Variants in MRPS9 observed in about 807,000 individuals in gnomAD.
The protein encoded by MRPS9 is mitochondrial ribosomal protein S9.
In MRPS9, 45 loss-of-function variants were observed where a neutral mutation model predicts 59.9. That is an observed-to-expected ratio of 0.75 (90% CI 0.59 to 0.96). MRPS9 has a LOEUF of 0.96. MRPS9 is among the 40% of genes least tolerant of loss of function. MRPS9 has a pLI of 0.00. For missense variants in MRPS9, 473 were observed against 481.1 expected (o/e 0.98, Z 0.16); for synonymous variants, 171 against 166.8 (o/e 1.03, Z -0.19).
At chr2:105,065,263 T>A (rs929131676) in intron 2 of MRPS9, among the ~76,000 whole-genome samples, 1 of 152,232 alleles carries the variant, frequency 6.6e-6, no homozygotes, top group Non-Finnish European at 1.5e-5. Context: ...GAATCTGTTA[T>A]CTGAGAGAAG....
At chr2:105,076,219 A>G (rs922794067) in intron 4 of MRPS9, among the ~76,000 whole-genome samples, 2 of 152,262 alleles carry the variant, frequency 1.3e-5, no homozygotes, top group Non-Finnish European at 2.9e-5. Flanking sequence ...ATACCCTCTT[A>G]TAAAAGCATG....
At position 105,038,206 on chromosome 2, in the gene MRPS9, G is replaced by A; in HGVS notation, c.114G>A (p.Leu38=). The part of the protein sequence containing the change: ...QGLWKTAAPE[L]QTNVRSQILR... ...TCTGGAAAACCGCGGCCCCTGAGTTGCAAACAAATGTCAGATCCCAGGTAA... is the reference window on the plus strand; with the variant it reads ...TCTGGAAAACCGCGGCCCCTGAGTTACAAACAAATGTCAGATCCCAGGTAA... Residue 38 remains leucine, a synonymous_variant, in exon 1 of 11, where the codon TTG becomes TTA. Transcript: ENST00000258455. The A allele has an allele frequency of 6.2e-7, 1 of 1,612,454 alleles. No homozygotes were observed. The highest frequency in any genetic ancestry group is 1.3e-5 in the African/African-American group (1 of 75,030).
chr2:105,088,735 C>T (rs185895112), intron 5 of MRPS9, among the ~76,000 whole-genome samples: 1 of 152,050 alleles, frequency 6.6e-6, no homozygotes, highest in East Asian at 1.9e-4. Flanking sequence ...ATTTTAAAAT[C>T]AGCTAAAGTT....
At chr2:105,060,435 C>G (rs553648039) in intron 2 of MRPS9, among the ~76,000 whole-genome samples, 2 of 152,144 alleles carry the variant, frequency 1.3e-5, no homozygotes, top group South Asian at 2.1e-4. Flanking sequence ...GTGGCGCCAC[C>G]GCGCCTGACT....
Position 105,089,060 on chromosome 2 carries a change from CTG to C in MRPS9, c.568_569del (p.Val190AsnfsTer12). The C allele has an allele frequency of 1.2e-6, 2 of 1,609,448 alleles. No homozygotes were observed. The highest frequency in any genetic ancestry group is 1.3e-5 in the African/African-American group (1 of 74,904). On this transcript the variant is annotated frameshift_variant, in exon 6 of 11. Transcript: ENST00000258455. LOFTEE classifies it high-confidence loss of function. ...GCCAAAAGTCTGCTCCCAGAAAAAA[CTG>C]TAACCAGGTAAGCTCTTTTCTTGCA...
intron 4 of MRPS9, among the ~76,000 whole-genome samples, 181 bp downstream of exon 4, chr2:105,071,670 T>G (rs1680118640): frequency 6.6e-6 from 1 of 152,208 alleles, no homozygotes; most frequent in South Asian, 2.1e-4. Flanking sequence ...TCTTTTAAAT[T>G]AAATACTAAA....
chr2:105,040,736 A>G (rs1679486457), intron 1 of MRPS9, among the ~76,000 whole-genome samples: 1 of 152,204 alleles, frequency 6.6e-6, no homozygotes, highest in African/African-American at 2.4e-5. Context: ...TTCAGATTGT[A>G]TATCCATGAA....
intron 8 of MRPS9, 91 bp from the exon 9 acceptor site, chr2:105,093,439 A>G (rs1680598894): frequency 1.5e-6 from 1 of 687,232 alleles, no homozygotes; most frequent in South Asian, 2.2e-5. Context: ...GTTGTGTATT[A>G]TTTTGGGGAA....
intron 2 of MRPS9, 80 bp from the exon 3 acceptor site, chr2:105,071,233 A>G (rs576659672): frequency 4.6e-6 from 5 of 1,094,006 alleles, no homozygotes; most frequent in Non-Finnish European, 6.8e-6. Flanking sequence ...AATGTCCAGC[A>G]TATAGAAAGC....
At chr2:105,091,889 G>A (rs948249105) in intron 7 of MRPS9, among the ~76,000 whole-genome samples, 25 of 152,012 alleles carry the variant, frequency 1.6e-4, no homozygotes, top group Non-Finnish European at 2.2e-4. Flanking sequence ...TTGATTGTTC[G>A]GTTTTAAAGG....
At chr2:105,069,213 T>C (rs1680060651) in intron 2 of MRPS9, among the ~76,000 whole-genome samples, 2 of 106,770 alleles carry the variant, frequency 1.9e-5, no homozygotes, top group Middle Eastern at 7.0e-3. Context: ...AATTGGTCAA[T>C]CTTTTTTTTT....
chr2:105,097,818 G>A (rs915763666), intron 10 of MRPS9, among the ~76,000 whole-genome samples: 2 of 151,970 alleles, frequency 1.3e-5, no homozygotes, highest in African/African-American at 4.8e-5. Context: ...CTCCTGCCTC[G>A]GCCTCCCAGG....
At chr2:105,070,856 G>A (rs184005416) in intron 2 of MRPS9, among the ~76,000 whole-genome samples, 17 of 152,342 alleles carry the variant, frequency 1.1e-4, no homozygotes, top group Admixed American at 8.5e-4. Flanking sequence ...TGGAAAGAGT[G>A]TAGTTTAAAA....
At chr2:105,078,315 AGTGT>A (rs71250682) in intron 4 of MRPS9, among the ~76,000 whole-genome samples, 11 of 147,462 alleles carry the variant, frequency 7.5e-5, no homozygotes, top group African/African-American at 1.8e-4. Context: ...GGTGAAGTCA[AGTGT>A]GTGTGTGTGT....
At position 105,097,321 on chromosome 2, in the gene MRPS9, C is replaced by A; in HGVS notation, c.1096C>A (p.Gln366Lys). Residue 366 changes from glutamine to lysine, a missense_variant, in exon 10 of 11, where the codon CAA becomes AAA. By Grantham distance (53) the Gln-to-Lys change is moderately conservative. Transcript: ENST00000258455. Reference protein sequence around the residue: ...VTEDEVEWMRQAGLLTTDPRV... With the variant: ...VTEDEVEWMRKAGLLTTDPRV... ...CGAGGACGAGGTCGAGTGGATGAGA[C>A]AAGGTATGAGTCTAGGTGGGACGGG... 6.2e-7 allele frequency: 1 copy of A among 1,603,672 alleles called. No homozygotes were observed.
chr2:105,039,720 A>G (rs894211643), intron 1 of MRPS9, among the ~76,000 whole-genome samples: 3 of 152,232 alleles, frequency 2.0e-5, no homozygotes, highest in Non-Finnish European at 4.4e-5. Flanking sequence ...GAATATATCA[A>G]AGTTAATGTA....
chr2:105,061,065 G>A (rs1018690234), intron 2 of MRPS9, among the ~76,000 whole-genome samples: 1 of 124,802 alleles, frequency 8.0e-6, no homozygotes, highest in Non-Finnish European at 1.6e-5. Flanking sequence ...AGCCGAGATC[G>A]CATCACTGCA....
chr2:105,094,060 A>T (rs1313497374), intron 9 of MRPS9, among the ~76,000 whole-genome samples: 2 of 152,322 alleles, frequency 1.3e-5, no homozygotes, highest in East Asian at 3.9e-4. Context: ...AGGCAAAGAA[A>T]AGTGCAAGTA....
chr2:105,098,918 C>T (rs1433650391), intron 10 of MRPS9, among the ~76,000 whole-genome samples: 1 of 152,278 alleles, frequency 6.6e-6, no homozygotes, highest in East Asian at 1.9e-4. Flanking sequence ...ACTATAGCTC[C>T]AGCCACTGCT....
Sources: gnomAD v4.1 joint callset for allele counts (sites outside exome capture counted in the v4.1 genomes callset) on GRCh38, gnomAD v4.1.1 for gene constraint, MANE v1.5 for transcripts, NCBI Gene and HGNC (gene_info 2026-07-23, HGNC 2026-07-21) for gene names.